Variants in TMEM114 observed in about 807,000 individuals in gnomAD.
TMEM114 encodes the protein transmembrane protein 114.
TMEM114 carries 6 observed loss-of-function variants against 6.2 expected under a neutral mutation model. The ratio of observed to expected loss-of-function variants is 0.97; its 90% CI spans 0.53 to 1.91. The LOEUF (loss-of-function observed/expected upper bound fraction) is 1.91, where lower values mean the gene tolerates loss of function less well. Ranked by LOEUF, TMEM114 falls within the 40% of genes most tolerant of loss-of-function variation. The pLI is 0.01. For synonymous variants in TMEM114, 104 were observed against 73.0 expected, an observed-to-expected ratio of 1.42 and a Z score of -2.16; for missense variants, 218 against 158.3, an observed-to-expected ratio of 1.38 and a Z score of -2.02.
downstream of TMEM114, among the ~76,000 whole-genome samples, chr16:8,567,291 C>G (rs1901578546): frequency 6.6e-6 from 1 of 152,272 alleles, no homozygotes. Context: ...GGTTTATCAT[C>G]TGTTCCCATG....
At chr16:8,589,332 G>C in intron 1 of TMEM114, 39 bp from the exon 2 acceptor site, 1 of 398,806 alleles carries the variant, frequency 2.5e-6, no homozygotes, top group Non-Finnish European at 4.4e-6. Flanking sequence ...CAGGACCCCG[G>C]AGTTCTGTGC....
chr16:8,550,544 G>A (rs899017758), intron 2 of TMEM114, among the ~76,000 whole-genome samples: 2 of 152,064 alleles, frequency 1.3e-5, no homozygotes, highest in Non-Finnish European at 2.9e-5. Context: ...CTGGTGTGGT[G>A]GTGCATGCCT....
chr16:8,570,891 G>T (rs919325745), intron 3 of TMEM114, among the ~76,000 whole-genome samples: 1 of 152,178 alleles, frequency 6.6e-6, no homozygotes, highest in Non-Finnish European at 1.5e-5. Context: ...GGCCTGGTTT[G>T]CAGCTCCCGA....
At chr16:8,573,722 G>A (rs1385710010) in intron 2 of TMEM114, among the ~76,000 whole-genome samples, 1 of 152,156 alleles carries the variant, frequency 6.6e-6, no homozygotes, top group Non-Finnish European at 1.5e-5. Flanking sequence ...AGCATCATTT[G>A]TTCTGGGAAG....
At position 8,555,179 on chromosome 16, in the gene TMEM114, C is replaced by T. The variant is rs559808254; in HGVS notation, n.213-17353G>A. The stretch of plus-strand genomic sequence containing the variant: ...TCTCTTCACATGTGATGCTGACTTT[C>T]TGAGCACCTCATACATCCCAAAGGT... On this transcript the variant is annotated intron_variant and non_coding_transcript_variant, in intron 2 of 2. Transcript: ENST00000623677. 3.5e-3 allele frequency among the ~76,000 whole-genome samples: 530 copies of T among 152,334 alleles called. 5 individuals carry two copies. The highest frequency in any genetic ancestry group is 6.6e-3 in the Non-Finnish European group (446 of 68,032).
intron 2 of TMEM114, among the ~76,000 whole-genome samples, chr16:8,573,001 C>T (rs1901786651): frequency 6.6e-6 from 1 of 152,202 alleles, no homozygotes; most frequent in South Asian, 2.1e-4. Context: ...GACTGGAGTG[C>T]CGGCCCCGTT....
intron 2 of TMEM114, among the ~76,000 whole-genome samples, chr16:8,587,059 G>C (rs1902343653): frequency 6.6e-6 from 1 of 152,056 alleles, no homozygotes; most frequent in African/African-American, 2.4e-5. Flanking sequence ...TTGGTGTCTT[G>C]AAATTGGCCA....
intron 2 of TMEM114, among the ~76,000 whole-genome samples, chr16:8,546,039 C>A (rs1351635436): frequency 2.0e-5 from 3 of 152,042 alleles, no homozygotes; most frequent in Non-Finnish European, 2.9e-5. Flanking sequence ...CACTTGAGCC[C>A]AGAAGATGGA....
chr16:8,578,381 T>A (rs1030584507), intron 2 of TMEM114, among the ~76,000 whole-genome samples: 2 of 152,152 alleles, frequency 1.3e-5, no homozygotes, highest in Non-Finnish European at 2.9e-5. Flanking sequence ...CTCCCTGGCT[T>A]GTGGCTATGT....
At chr16:8,576,498 G>A (rs1360032230) in intron 2 of TMEM114, among the ~76,000 whole-genome samples, 2 of 152,198 alleles carry the variant, frequency 1.3e-5, no homozygotes, top group African/African-American at 2.4e-5. Flanking sequence ...AGGGGCCAGG[G>A]GCTCTCCCAG....
chr16:8,576,983 C>G (rs1211954427), intron 2 of TMEM114, among the ~76,000 whole-genome samples: 1 of 152,160 alleles, frequency 6.6e-6, no homozygotes, highest in Non-Finnish European at 1.5e-5. Context: ...CAGGCTAAGT[C>G]CACATGATCA....
chr16:8,554,256 A>C (rs36048732), intron 2 of TMEM114, among the ~76,000 whole-genome samples: 14,123 of 132,292 alleles, frequency 0.11, 960 homozygotes, highest in South Asian at 0.24. Flanking sequence ...ATGTGATTTC[A>C]GGGAAAAAAA....
intron 2 of TMEM114, among the ~76,000 whole-genome samples, chr16:8,547,057 T>C (rs1182807148): frequency 1.3e-5 from 2 of 152,222 alleles, no homozygotes; most frequent in African/African-American, 2.4e-5. Flanking sequence ...AGTCTGCATA[T>C]AATGGTTGCT....
At chr16:8,532,818 G>A (rs937519163), downstream of TMEM114, among the ~76,000 whole-genome samples, 2 of 152,120 alleles carry the variant, frequency 1.3e-5, no homozygotes, top group East Asian at 1.9e-4. Context: ...CAGCTACTCA[G>A]GAGGCTGAGG....
chr16:8,589,395 G>A, intron 1 of TMEM114, 102 bp from the exon 2 acceptor site: 1 of 398,482 alleles, frequency 2.5e-6, no homozygotes. Context: ...GCCCCACCCG[G>A]GGAGGGCGCG....
downstream of TMEM114, among the ~76,000 whole-genome samples, chr16:8,568,801 C>A (rs896827650): frequency 6.6e-6 from 1 of 152,304 alleles, no homozygotes; most frequent in Middle Eastern, 3.4e-3. Context: ...AACACTGATG[C>A]CTGGACACCA....
At chr16:8,540,023 G>A (rs924605919) in intron 2 of TMEM114, among the ~76,000 whole-genome samples, 2 of 151,966 alleles carry the variant, frequency 1.3e-5, no homozygotes, top group African/African-American at 4.8e-5. Context: ...TCACCACGTT[G>A]ACCAGGCTGG....
downstream of TMEM114, among the ~76,000 whole-genome samples, chr16:8,535,427 A>C (rs184878670): frequency 3.5e-4 from 53 of 152,152 alleles, no homozygotes; most frequent in Non-Finnish European, 6.8e-4. Context: ...TCTTCTTACA[A>C]TCTTCGCTGA....
intron 3 of TMEM114, among the ~76,000 whole-genome samples, chr16:8,570,347 G>C (rs950619058): frequency 1.3e-5 from 2 of 151,682 alleles, no homozygotes; most frequent in South Asian, 2.1e-4. Flanking sequence ...ACAGAGTCTC[G>C]CTCTGTCGCC....
Sources: allele counts gnomAD v4.1 joint callset (sites outside exome capture counted in the v4.1 genomes callset), GRCh38; gene constraint gnomAD v4.1.1; transcripts MANE v1.5; gene names NCBI Gene and HGNC (gene_info 2026-07-23, HGNC 2026-07-21).